RSL1D1: variants seen among roughly 807,000 people sequenced by gnomAD.
RSL1D1 encodes ribosomal L1 domain containing 1.
RSL1D1 carries 34 observed loss-of-function variants against 44.6 expected under a neutral mutation model. That is an observed-to-expected ratio of 0.76 (90% CI 0.58 to 1.02). The LOEUF (loss-of-function observed/expected upper bound fraction) is 1.02. Ranked by LOEUF, RSL1D1 falls within the 50% of genes least tolerant of loss-of-function variation. RSL1D1 has a pLI of 0.00. For synonymous variants in RSL1D1, 271 were observed against 207.4 expected (o/e 1.31, Z -2.63); for missense variants, 767 against 568.1 (o/e 1.35, Z -3.56).
At chr16:11,850,065 G>A (rs2053826327) in intron 2 of RSL1D1, among the ~76,000 whole-genome samples, 1 of 152,102 alleles carries the variant, frequency 6.6e-6, no homozygotes, top group South Asian at 2.1e-4. Context: ...GACCTCAGGT[G>A]ATCCGTCCAC....
Position 11,837,661 on chromosome 16 carries a change from G to T in RSL1D1, c.*126C>A. ...CACCGCCCCTGGACTACTTATGGAG[G>T]TTTTAAAAAATCTTTTAAGTCCAGG... On this transcript the variant is annotated 3_prime_UTR_variant, in exon 9 of 9. Transcript: ENST00000571133. 1 of 929,072 alleles carries T rather than the reference G, an allele frequency of 1.1e-6. No homozygotes were observed. The highest frequency in any genetic ancestry group is 1.6e-6 in the Non-Finnish European group (1 of 606,064). 57.6% of individuals were successfully genotyped at this position (929,072 alleles called of 1,614,324 possible).
chr16:11,844,613 C>T (rs2053785625), intron 5 of RSL1D1, among the ~76,000 whole-genome samples: 1 of 152,210 alleles, frequency 6.6e-6, no homozygotes, highest in South Asian at 2.1e-4. Context: ...GTACCCTGCT[C>T]TGCTCTACCT....
chr16:11,847,781 C>T lies in RSL1D1; in HGVS notation c.271G>A (p.Asp91Asn). The T allele has an allele frequency of 1.9e-6, 3 of 1,613,510 alleles. No individual in the cohort carries two copies. The highest frequency in any genetic ancestry group is 2.5e-6 in the Non-Finnish European group (3 of 1,179,790). Residue 91 changes from aspartate (D) to asparagine (N), a missense_variant, in exon 3 of 9, where the codon GAT becomes AAT. Asp to Asn is a conservative substitution (Grantham distance 23). Transcript: ENST00000571133. Reference protein sequence around the residue: ...RLTLPHSIRSDSEDICLFTKD... With the variant: ...RLTLPHSIRSNSEDICLFTKD... ...GTAAATAAACAGATATCTTCTGAAT[C>T]TGATCGAATACTATGAGGCAAGGTC...
chr16:11,847,625 T>G (rs371966878), intron 3 of RSL1D1, 43 bp downstream of exon 3: 78 of 1,523,820 alleles, frequency 5.1e-5, no homozygotes, highest in Non-Finnish European at 6.7e-5. Flanking sequence ...TCGCCTGAAT[T>G]AAATCCTCTA....
chr16:11,839,977 C>T lies in RSL1D1; in HGVS notation c.864G>A (p.Arg288=). 6.2e-7 allele frequency: 1 copy of T among 1,611,516 alleles called. No individual in the cohort carries two copies. The change falls in exon 8 of 9, where the codon AGG becomes AGA. Residue 288 remains arginine (R), a synonymous_variant. Coordinates refer to ENST00000571133, the MANE Select transcript of RSL1D1 (RefSeq NM_015659.3). The part of the protein sequence containing the change: ...SLLNKKKKEA[R]RKRRERNFEK... ...CAAAATTTCTTTCTCTTCGTTTTCT[C>T]CTTGCCTCCTACCAAAAAACACCAT... is the stretch of plus-strand genomic sequence containing the variant.
Position 11,841,445 on chromosome 16 carries a change from T to TA in RSL1D1, c.855+249dup, listed in dbSNP as rs137862684. 3.8e-3 allele frequency: 1,214 copies of TA among 322,618 alleles called. 1 individual carries two copies. The highest frequency in any genetic ancestry group is 5.2e-3 in the Middle Eastern group (5 of 956). The allele number at this position is 322,618 out of a possible 1,614,324, so 20.0% of individuals were successfully genotyped here. On this transcript the variant is annotated intron_variant, in intron 7 of 8. Transcript: ENST00000571133. Reference sequence around the variant, plus strand: ...CAGCAAGCACTGGATCTAACAAAAATAAAAAAAAAATCCAATTTATCAATA... The same window carrying TA: ...CAGCAAGCACTGGATCTAACAAAAATAAAAAAAAAAATCCAATTTATCAATA...
intron 1 of RSL1D1, 141 bp downstream of exon 1, chr16:11,851,267 C>A (rs1041890814): frequency 1.2e-4 from 97 of 780,340 alleles, no homozygotes; most frequent in Admixed American, 7.6e-5. Flanking sequence ...AGGGGAGAGA[C>A]AGCTGAGGCA....
rs1323612160 is a variant in RSL1D1 at position 11,837,630 on chromosome 16, G to A, written c.*157C>T. Reference sequence around the variant, plus strand: ...CTCCCAAAGTGCTGGGATTACAGGCGTGAGCCACCGCCCCTGGACTACTTA... The same window carrying A: ...CTCCCAAAGTGCTGGGATTACAGGCATGAGCCACCGCCCCTGGACTACTTA... On this transcript the variant is annotated 3_prime_UTR_variant, in exon 9 of 9. Transcript: ENST00000571133. 8 of 666,762 alleles carry A rather than the reference G, an allele frequency of 1.2e-5. No individual in the cohort carries two copies. The highest frequency in any genetic ancestry group is 3.2e-5 in the Admixed American group (1 of 31,554). The allele number at this position is 666,762 out of a possible 1,614,324, so 41.3% of individuals were successfully genotyped here.
intron 8 of RSL1D1, among the ~76,000 whole-genome samples, chr16:11,838,559 C>G (rs2141250137): frequency 6.6e-6 from 1 of 152,044 alleles, no homozygotes. Context: ...AGCTGTATTC[C>G]ACTATTAAGA....
chr16:11,845,420 G>A (rs965024779), intron 5 of RSL1D1, among the ~76,000 whole-genome samples: 1 of 152,186 alleles, frequency 6.6e-6, no homozygotes, highest in African/African-American at 2.4e-5. Context: ...ACCACTGAGT[G>A]CAGTGGCACG....
Position 11,837,698 on chromosome 16 carries a change from GAGA to G in RSL1D1, c.*86_*88del. 2 of 1,197,898 alleles carry G rather than the reference GAGA, an allele frequency of 1.7e-6. No homozygotes were observed. Among genetic ancestry groups the G allele is most frequent in the Non-Finnish European group, 1.2e-6 (1 of 842,386 alleles). The allele number at this position is 1,197,898 out of a possible 1,614,324, so 74.2% of individuals were successfully genotyped here. A position where few individuals can be genotyped will look rare whatever the true frequency, so the allele number is the denominator to read the frequency against. ...CTTTTAAGTCCAGGCCTGACGTTTA[GAGA>G]AGGTTACAAAGGCGGCCAGGATCTG... On this transcript the variant is annotated 3_prime_UTR_variant, in exon 9 of 9. Transcript: ENST00000571133.
At chr16:11,839,529 A>G (rs935657620) in intron 8 of RSL1D1, among the ~76,000 whole-genome samples, 166 bp downstream of exon 8, 1 of 39,596 alleles carries the variant, frequency 2.5e-5, no homozygotes. Flanking sequence ...TCCCATCTAA[A>G]AAAAAAAAAA....
rs914397512 is a variant in RSL1D1, at chr16:11,834,524, G to A, written c.*3263C>T. On this transcript the variant is annotated 3_prime_UTR_variant, in exon 9 of 9. Transcript: ENST00000571133. ...AAGATCTTGAACTGACTAGATGATA[G>A]GATTACAAAAACCACACAGCTATTG... 6.6e-6 allele frequency: 1 copy of A among 152,202 alleles called. No homozygotes were observed. Among genetic ancestry groups the A allele is most frequent in the Non-Finnish European group, 1.5e-5 (1 of 68,034 alleles). The allele number at this position is 152,202 out of a possible 1,614,324, so 9.4% of individuals were successfully genotyped here.
At chr16:11,845,149 G>A (rs2053788493) in intron 5 of RSL1D1, among the ~76,000 whole-genome samples, 1 of 152,190 alleles carries the variant, frequency 6.6e-6, no homozygotes, top group Non-Finnish European at 1.5e-5. Flanking sequence ...GGGTAATATG[G>A]TGCTTTTAAA....
In RSL1D1 at chr16:11,843,871, C is replaced by CAAAAAAAA. The variant is rs35833714; in HGVS notation, c.636-1879_636-1872dup. ...GGGCGACAGAGCAAGAACTCTGTCT[C>CAAAAAAAA]AAAAAAAAAAAAAAAAAAAAAAAAG... On this transcript the variant is annotated intron_variant, in intron 5 of 8. Coordinates refer to ENST00000571133, the MANE Select transcript of RSL1D1 (RefSeq NM_015659.3). Among the ~76,000 whole-genome samples the CAAAAAAAA allele has an allele frequency of 3.3e-3, 179 of 53,556 alleles. 7 individuals are homozygous for CAAAAAAAA. The highest frequency in any genetic ancestry group is 0.011 in the African/African-American group (171 of 15,622). The allele number at this position is 53,556 out of a possible 152,430, so 35.1% of individuals were successfully genotyped here. A position where few individuals can be genotyped will look rare whatever the true frequency, so the allele number is the denominator to read the frequency against.
intron 5 of RSL1D1, among the ~76,000 whole-genome samples, chr16:11,845,110 C>T (rs2053788299): frequency 1.3e-5 from 2 of 152,126 alleles, no homozygotes; most frequent in African/African-American, 4.8e-5. Context: ...GGAAGTTAAA[C>T]CAAGAATGAG....
chr16:11,847,581 C>G (rs1470800512), intron 3 of RSL1D1, 87 bp downstream of exon 3: 1 of 1,116,912 alleles, frequency 9.0e-7, no homozygotes, highest in African/African-American at 1.6e-5. Context: ...AAGAAAAATA[C>G]TAGGAAATAT....
chr16:11,844,740 G>A (rs567308778), intron 5 of RSL1D1, among the ~76,000 whole-genome samples: 1 of 152,302 alleles, frequency 6.6e-6, no homozygotes, highest in Admixed American at 6.5e-5. Flanking sequence ...CTGGGTGGAA[G>A]GGCAGTGGCC....
rs994511115 is a variant in RSL1D1, at chr16:11,850,485, G to A, written c.106-67C>T. The A allele has an allele frequency of 1.8e-5, 27 of 1,506,868 alleles. No homozygotes were observed. The African/African-American group carries it at 3.0e-4, about 17-fold the overall frequency. 93.3% of individuals were successfully genotyped at this position (1,506,868 alleles called of 1,614,324 possible). On this transcript the variant is annotated intron_variant, in intron 1 of 8. Transcript: ENST00000571133. ...AATAACTTACACAAATAAATGAAAT[G>A]TTCTCAATCTAATTTAGCATTTGCC...
Sources: gnomAD v4.1 joint callset for allele counts (sites outside exome capture counted in the v4.1 genomes callset) on GRCh38, gnomAD v4.1.1 for gene constraint, MANE v1.5 for transcripts, NCBI Gene and HGNC (gene_info 2026-07-23, HGNC 2026-07-21) for gene names.